Variants in CD48 observed in about 807,000 individuals in gnomAD.
The protein encoded by CD48 is CD48 molecule.
In CD48, 20 loss-of-function variants were observed where a neutral mutation model predicts 22.0. The ratio of observed to expected loss-of-function variants is 0.91; its 90% CI spans 0.64 to 1.32. The LOEUF (loss-of-function observed/expected upper bound fraction) is 1.32, where lower values mean the gene tolerates loss of function less well. Ranked by LOEUF, CD48 falls within the 40% of genes most tolerant of loss-of-function variation. The probability of loss-of-function intolerance (pLI) is 0.00; values close to 1 mark genes in which losing one functional copy is unlikely to be tolerated. For synonymous variants in CD48, 110 were observed against 110.1 expected, an observed-to-expected ratio of 1.00 and a Z score of 0.01; for missense variants, 307 against 286.5, an observed-to-expected ratio of 1.07 and a Z score of -0.52.
chr1:160,683,517 G>GT (rs1661882501), intron 2 of CD48: 2 of 136,834 alleles, frequency 1.5e-5, no homozygotes, highest in Non-Finnish European at 3.1e-5. Context: ...ACGCTTTAGG[G>GT]CTTTTTTTTT....
rs1298593204 is a variant in CD48 at position 160,698,485 on chromosome 1, A to G, written c.82+13197T>C. ...TTGCATTGCACTCTTCTGTTCAGTCAGTAAACTTTGTTAATTATTGGCAAA... is the reference window on the plus strand; with the variant it reads ...TTGCATTGCACTCTTCTGTTCAGTCGGTAAACTTTGTTAATTATTGGCAAA... On this transcript the variant is annotated intron_variant, in intron 1 of 3. Coordinates refer to ENST00000368046, the MANE Select transcript of CD48 (RefSeq NM_001778.4). Among the ~76,000 whole-genome samples the G allele has an allele frequency of 3.3e-5, 5 of 152,180 alleles. No homozygotes were observed. In the East Asian group the frequency reaches 9.6e-4, roughly 29 times the overall value.
intron 1 of CD48, among the ~76,000 whole-genome samples, chr1:160,710,459 C>T (rs1309500100): frequency 1.3e-5 from 2 of 152,194 alleles, no homozygotes; most frequent in South Asian, 2.1e-4. Context: ...CAAAGGATAA[C>T]ATAATCAGGT....
At chr1:160,679,836 G>A (rs77984952) in intron 3 of CD48, among the ~76,000 whole-genome samples, 3,699 of 152,234 alleles carry the variant, frequency 0.024, 110 homozygotes, top group African/African-American at 0.072. Context: ...GGGAATGTGC[G>A]TCTTCCTTTT....
chr1:160,699,459 A>G (rs961012770), intron 1 of CD48: 2 of 153,406 alleles, frequency 1.3e-5, no homozygotes, highest in African/African-American at 2.4e-5. Flanking sequence ...CCCCCAGACC[A>G]ACACCCGTAA....
intron 1 of CD48, among the ~76,000 whole-genome samples, chr1:160,708,671 C>T (rs1268016897): frequency 6.6e-6 from 1 of 152,070 alleles, no homozygotes; most frequent in African/African-American, 2.4e-5. Context: ...GTGGAGATGT[C>T]ATTTATAGAG....
intron 1 of CD48, among the ~76,000 whole-genome samples, chr1:160,693,772 C>T (rs544342274): frequency 3.3e-5 from 5 of 152,306 alleles, no homozygotes; most frequent in Admixed American, 6.5e-5. Flanking sequence ...CAACCATTGT[C>T]GGGAAACTAG....
At chr1:160,686,510 C>G (rs924138406) in intron 1 of CD48, 10 of 152,316 alleles carry the variant, frequency 6.6e-5, no homozygotes, top group African/African-American at 2.2e-4. Context: ...AACTATCTGT[C>G]AGGCACTATT....
At chr1:160,704,545 G>T (rs771242582) in intron 1 of CD48, among the ~76,000 whole-genome samples, 3 of 152,228 alleles carry the variant, frequency 2.0e-5, no homozygotes, top group Non-Finnish European at 4.4e-5. Flanking sequence ...CGGGCTGCAG[G>T]TGGGAAGCAG....
chr1:160,700,841 C>T (rs558479008), intron 1 of CD48, among the ~76,000 whole-genome samples: 7 of 152,218 alleles, frequency 4.6e-5, no homozygotes, highest in African/African-American at 1.4e-4. Context: ...ACCACCATTC[C>T]TAAATATTGA....
At chr1:160,707,777 A>G (rs75629040) in intron 1 of CD48, among the ~76,000 whole-genome samples, 2,470 of 152,232 alleles carry the variant, frequency 0.016, 76 homozygotes, top group African/African-American at 0.057. Context: ...GACTGAAACA[A>G]TGACTCAAAA....
intron 1 of CD48, among the ~76,000 whole-genome samples, chr1:160,701,463 A>G (rs796489730): frequency 1.4e-4 from 21 of 152,064 alleles, no homozygotes; most frequent in African/African-American, 4.3e-4. Flanking sequence ...TTAGGTTTCC[A>G]TTGTAAGGGA....
chr1:160,702,592 C>T (rs556023408), intron 1 of CD48, among the ~76,000 whole-genome samples: 2 of 152,204 alleles, frequency 1.3e-5, no homozygotes, highest in African/African-American at 2.4e-5. Context: ...AGCATTTGGC[C>T]ATGTTTGTTG....
At chr1:160,690,797 C>T (rs1662182115) in intron 1 of CD48, among the ~76,000 whole-genome samples, 2 of 152,102 alleles carry the variant, frequency 1.3e-5, no homozygotes. Context: ...TGGGGAAAAG[C>T]AAGAGAGGTC....
chr1:160,679,502 A>C (rs888998838), intron 3 of CD48, among the ~76,000 whole-genome samples: 3 of 152,162 alleles, frequency 2.0e-5, no homozygotes, highest in African/African-American at 7.2e-5. Context: ...AGAGAAAAGG[A>C]CCACTTCCTT....
chr1:160,697,291 A>T (rs1394927649), intron 1 of CD48, among the ~76,000 whole-genome samples: 1 of 152,418 alleles, frequency 6.6e-6, no homozygotes, highest in African/African-American at 2.4e-5. Context: ...TCTACAATGA[A>T]CCCATCAGAG....
chr1:160,702,520 C>T, intron 1 of CD48, among the ~76,000 whole-genome samples: 1 of 152,116 alleles, frequency 6.6e-6, no homozygotes, highest in East Asian at 1.9e-4. Context: ...TACATTATAC[C>T]TAGAGCGGCA....
chr1:160,697,772 G>A (rs74822814), intron 1 of CD48, among the ~76,000 whole-genome samples: 5 of 146,450 alleles, frequency 3.4e-5, no homozygotes, highest in East Asian at 2.0e-4. Flanking sequence ...CAATGAATTC[G>A]AAACTATTAT....
intron 1 of CD48, among the ~76,000 whole-genome samples, chr1:160,693,715 C>G (rs1322756724): frequency 7.0e-6 from 1 of 142,554 alleles, no homozygotes; most frequent in Non-Finnish European, 1.6e-5. Flanking sequence ...TGTCGGGAAA[C>G]TACCAAAAGG....
At chr1:160,686,214 G>A (rs1476167411) in intron 1 of CD48, among the ~76,000 whole-genome samples, 1 of 152,144 alleles carries the variant, frequency 6.6e-6, no homozygotes, top group Non-Finnish European at 1.5e-5. Flanking sequence ...CCCACCTTGG[G>A]AAAGAGGGAT....
Sources: gnomAD v4.1 joint callset for allele counts (sites outside exome capture counted in the v4.1 genomes callset) on GRCh38, gnomAD v4.1.1 for gene constraint, MANE v1.5 for transcripts, NCBI Gene and HGNC (gene_info 2026-07-23, HGNC 2026-07-21) for gene names.